Variants in LRP4 observed in about 807,000 individuals in gnomAD.
LRP4 encodes the protein LDL receptor related protein 4.
A neutral mutation model predicts 220.3 loss-of-function variants in LRP4; 95 were observed. The ratio of observed to expected loss-of-function variants is 0.43; its 90% CI spans 0.37 to 0.51. The LOEUF is 0.51. Among genes scored for constraint, LRP4 ranks in the 20% least tolerant of loss-of-function variants. The pLI, the probability that LRP4 is intolerant of heterozygous loss-of-function variation, is 0.00. For missense variants in LRP4, 1,925 were observed against 2,567.0 expected (o/e 0.75, Z 5.40); for synonymous variants, 903 against 954.6 (o/e 0.95, Z 1.00).
chr11:46,874,384 G>A (rs1174612807), intron 28 of LRP4: 3 of 169,958 alleles, frequency 1.8e-5, no homozygotes, highest in Admixed American at 5.5e-5. Flanking sequence ...ATAAAACAAC[G>A]AAAAAATAAA....
chr11:46,898,176 C>T (rs530293886), intron 7 of LRP4, among the ~76,000 whole-genome samples: 2 of 151,984 alleles, frequency 1.3e-5, no homozygotes, highest in African/African-American at 4.8e-5. Flanking sequence ...TAGGGGCGGC[C>T]AGGCAGAGGC....
At chr11:46,865,055 T>C in intron 35 of LRP4, 64 bp downstream of exon 35, 2 of 1,345,242 alleles carry the variant, frequency 1.5e-6, no homozygotes, top group South Asian at 1.3e-5. Flanking sequence ...TTATGAAAGA[T>C]ATCAGTGGAG....
chr11:46,897,979 C>T (rs12796505), intron 7 of LRP4, among the ~76,000 whole-genome samples: 13 of 135,860 alleles, frequency 9.6e-5, no homozygotes, highest in African/African-American at 3.3e-4. Context: ...ACCTCCCGGA[C>T]GGGGCGGCTG....
At chr11:46,898,045 C>T (rs181902763) in intron 7 of LRP4, among the ~76,000 whole-genome samples, 6,725 of 138,736 alleles carry the variant, frequency 0.048, 413 homozygotes, top group African/African-American at 0.18. Flanking sequence ...GCTGGCCGGG[C>T]GGGGGGCTGA....
chr11:46,873,659 A>G lies in LRP4; in HGVS notation c.4230-66T>C, dbSNP rs1225894095. ...CCAGAATAGAGTAGAACTTTAACCC[A>G]TGTTCCCATAACTGGACCCCACTGA... On this transcript the variant is annotated intron_variant, in intron 28 of 37. Coordinates refer to ENST00000378623, the MANE Select transcript of LRP4 (RefSeq NM_002334.4). This position sits in a 1 kb window ranked among gnomAD's most constrained non-coding sequence, Gnocchi z 4.2. 3.0e-6 allele frequency: 4 copies of G among 1,354,776 alleles called. No homozygotes were observed. The highest frequency in any genetic ancestry group is 4.1e-6 in the Non-Finnish European group (4 of 965,562). 83.9% of individuals were successfully genotyped at this position (1,354,776 alleles called of 1,614,324 possible).
At position 46,894,747 on chromosome 11, in the gene LRP4, G is replaced by C. The variant is rs754663116; in HGVS notation, c.1382C>G (p.Thr461Arg). Residue 461 changes from threonine to arginine, a missense_variant, in exon 12 of 38, where the codon ACA (threonine) becomes AGA (arginine). Physicochemically the swap from Thr to Arg is moderately conservative, Grantham distance 71. This residue lies in a region of LRP4 where 269 missense variants were observed against 436.7 expected (regional missense o/e 0.62). Transcript: ENST00000378623. ...RQVLPHRSEY[T>R]LLLNNLENAI... ...ATTCTCCAGGTTGTTAAGCAGCAGT[G>C]TGTACTCAGAGCGGTGTGGCAGCAC... is the stretch of plus-strand genomic sequence containing the variant. 6.2e-7 allele frequency: 1 copy of C among 1,614,238 alleles called. No homozygotes were observed. The highest frequency in any genetic ancestry group is 8.5e-7 in the Non-Finnish European group (1 of 1,180,046).
At position 46,905,623 on chromosome 11, in the gene LRP4, G is replaced by T. The variant is rs555176840; in HGVS notation, c.53-2694C>A. Among the ~76,000 whole-genome samples the T allele has an allele frequency of 5.9e-5, 9 of 152,204 alleles. 1 individual carries two copies. Among genetic ancestry groups the T allele is most frequent in the Admixed American group, 5.9e-4 (9 of 15,284 alleles). ...CCCAGCACTTTGGGAGGCCCAGGTGGGCGGATCACCTGAGGTCAGGAGTTC... is the reference window on the plus strand; with the variant it reads ...CCCAGCACTTTGGGAGGCCCAGGTGTGCGGATCACCTGAGGTCAGGAGTTC... On this transcript the variant is annotated intron_variant, in intron 1 of 37. Transcript: ENST00000378623.
chr11:46,894,481 A>G, intron 12 of LRP4, 108 bp downstream of exon 12: 2 of 823,616 alleles, frequency 2.4e-6, no homozygotes, highest in South Asian at 1.5e-5. Context: ...TCCCTGGAAG[A>G]AAAAGATGTC....
At chr11:46,876,425 T>G (rs1941019620) in intron 25 of LRP4, 41 bp downstream of exon 25, 1 of 1,612,114 alleles carries the variant, frequency 6.2e-7, no homozygotes, top group African/African-American at 1.3e-5. Context: ...CCAGCTGAGC[T>G]GGCCCCCCAC....
intron 1 of LRP4, among the ~76,000 whole-genome samples, chr11:46,903,747 A>C (rs934692753): frequency 1.3e-5 from 2 of 152,228 alleles, no homozygotes; most frequent in African/African-American, 4.8e-5. Context: ...GAATCCACAC[A>C]GGGGAGCAGG....
intron 1 of LRP4, among the ~76,000 whole-genome samples, chr11:46,903,479 G>T (rs1279625252): frequency 6.6e-6 from 1 of 151,968 alleles, no homozygotes; most frequent in African/African-American, 2.4e-5. Context: ...GTGCAACAGA[G>T]CAAGACCTTG....
intron 34 of LRP4, among the ~76,000 whole-genome samples, chr11:46,866,468 TAG>T (rs777939404): frequency 1.3e-5 from 2 of 152,004 alleles, no homozygotes; most frequent in Non-Finnish European, 2.9e-5. Flanking sequence ...AACTTTTTTG[TAG>T]AGATAGGATC....
intron 1 of LRP4, among the ~76,000 whole-genome samples, chr11:46,917,673 A>C (rs1592559220): frequency 6.7e-6 from 1 of 150,080 alleles, no homozygotes; most frequent in African/African-American, 2.5e-5. Context: ...CTTTCCAACC[A>C]CCTCCCTTTA....
rs77167493 is a variant in LRP4, at chr11:46,900,090, G to A, written c.317-114C>T. 5.1e-3 allele frequency: 5,175 copies of A among 1,010,294 alleles called. 169 individuals are homozygous for A. The African/African-American group carries it at 0.071, about 14-fold the overall frequency. 62.6% of individuals were successfully genotyped at this position (1,010,294 alleles called of 1,614,324 possible). ...GCTCCAGTGCTGCCCTGAGGGCTCC[G>A]AAGGAGGTGGCTGCCTCTCAGCAGC... On this transcript the variant is annotated intron_variant, in intron 3 of 37. Transcript: ENST00000378623.
chr11:46,873,542 C>T lies in LRP4; in HGVS notation c.4281G>A (p.Leu1427=). The T allele has an allele frequency of 1.9e-6, 3 of 1,614,124 alleles. No individual in the cohort carries two copies. Among genetic ancestry groups the T allele is most frequent in the Non-Finnish European group, 2.5e-6 (3 of 1,179,984 alleles). Residue 1427 remains leucine (L), a synonymous_variant, in exon 29 of 38, where the codon CTG becomes CTA. Transcript: ENST00000378623. This position sits in a 1 kb window ranked among gnomAD's most constrained non-coding sequence, Gnocchi z 4.2. The part of the protein sequence containing the change: ...SNMETVIGRG[L]KTTDGLAVDW... ...CCACTGCCAGCCCGTCAGTGGTCTTCAGCCCTCGCCCGATCACTGTCTCCA... is the reference window on the plus strand; with the variant it reads ...CCACTGCCAGCCCGTCAGTGGTCTTTAGCCCTCGCCCGATCACTGTCTCCA...
chr11:46,876,865 C>A, intron 23 of LRP4, 35 bp from the exon 24 acceptor site: 1 of 1,504,596 alleles, frequency 6.6e-7, no homozygotes, highest in Non-Finnish European at 9.2e-7. Flanking sequence ...CCTAGACCCT[C>A]ACCGCCTACA....
intron 32 of LRP4, 123 bp from the exon 33 acceptor site, chr11:46,868,836 A>G: frequency 2.3e-6 from 3 of 1,279,472 alleles, no homozygotes; most frequent in Non-Finnish European, 3.4e-6. Context: ...GAGGAGAGAT[A>G]CAACCGCGAG....
chr11:46,876,495 G>C lies in LRP4; in HGVS notation c.3507C>G (p.Pro1169=). 1 of 1,614,158 alleles carries C rather than the reference G, an allele frequency of 6.2e-7. No homozygotes were observed. The highest frequency in any genetic ancestry group is 8.5e-7 in the Non-Finnish European group (1 of 1,180,022). ...TCTCATGGTACAGTACGATGGCCCG[G>C]GGACTGTCAAGGTTCTGCCACACCA... is the stretch of plus-strand genomic sequence containing the variant. ...KVLVWQNLDS[P]RAIVLYHEMG... Residue 1169 remains proline, a synonymous_variant, in exon 25 of 38, where the codon CCC becomes CCG. Coordinates refer to ENST00000378623, the MANE Select transcript of LRP4 (RefSeq NM_002334.4).
At chr11:46,876,295 T>C (rs1480568414) in intron 25 of LRP4, among the ~76,000 whole-genome samples, 171 bp downstream of exon 25, 2 of 152,176 alleles carry the variant, frequency 1.3e-5, no homozygotes, top group Non-Finnish European at 2.9e-5. Flanking sequence ...TGCTTTTAAC[T>C]TCTACACTGT....
Sources: gnomAD v4.1 joint callset for allele counts (sites outside exome capture counted in the v4.1 genomes callset) on GRCh38, gnomAD v4.1.1 for gene constraint, gnomAD v4.1.1 regional missense constraint, Gnocchi (gnomAD v3.1) non-coding constraint, MANE v1.5 for transcripts, NCBI Gene and HGNC (gene_info 2026-07-23, HGNC 2026-07-21) for gene names.